ZDHHC14: variants seen among roughly 807,000 people sequenced by gnomAD.
ZDHHC14 encodes zDHHC palmitoyltransferase 14, also known as palmitoyltransferase ZDHHC14.
ZDHHC14 carries 16 observed loss-of-function variants against 47.7 expected under a neutral mutation model. The ratio of observed to expected loss-of-function variants is 0.34; its 90% CI spans 0.23 to 0.51. The LOEUF is 0.51. Ranked by LOEUF, ZDHHC14 falls within the 20% of genes least tolerant of loss-of-function variation. The pLI is 0.97. For missense variants in ZDHHC14, 515 were observed against 662.5 expected, an observed-to-expected ratio of 0.78 and a Z score of 2.44; for synonymous variants, 293 against 278.9, an observed-to-expected ratio of 1.05 and a Z score of -0.50.
intron 2 of ZDHHC14, among the ~76,000 whole-genome samples, chr6:157,570,796 TATATATAC>T (rs1783070354): frequency 8.1e-5 from 12 of 148,788 alleles, no homozygotes; most frequent in South Asian, 2.1e-4. Flanking sequence ...CACACACACA[TATATATAC>T]ACACACACAC....
chr6:157,523,932 C>T (rs1582885663), intron 1 of ZDHHC14, among the ~76,000 whole-genome samples: 1 of 148,864 alleles, frequency 6.7e-6, no homozygotes. Context: ...AAATGTTTCT[C>T]TCTTACTATT....
At chr6:157,637,706 T>C (rs1777054027) in intron 5 of ZDHHC14, among the ~76,000 whole-genome samples, 1 of 152,150 alleles carries the variant, frequency 6.6e-6, no homozygotes, top group Non-Finnish European at 1.5e-5. Context: ...GGCAAGACAA[T>C]AACTTATATT....
chr6:157,490,540 A>G (rs183252074), intron 1 of ZDHHC14, among the ~76,000 whole-genome samples: 2 of 152,358 alleles, frequency 1.3e-5, no homozygotes, highest in East Asian at 3.9e-4. Context: ...TTCTTAAGGC[A>G]ACCTATAATT....
chr6:157,499,420 C>T (rs1780142900), intron 1 of ZDHHC14, among the ~76,000 whole-genome samples: 1 of 151,712 alleles, frequency 6.6e-6, no homozygotes, highest in South Asian at 2.1e-4. Flanking sequence ...TCTAAGGACA[C>T]TAATCCCATC....
At chr6:157,411,997 G>A (rs1240846415) in intron 1 of ZDHHC14, among the ~76,000 whole-genome samples, 1 of 151,734 alleles carries the variant, frequency 6.6e-6, no homozygotes, top group Non-Finnish European at 1.5e-5. Context: ...GGAGTGCAGT[G>A]GTGTGATCTC....
At chr6:157,639,495 G>T (rs1326067301) in intron 5 of ZDHHC14, among the ~76,000 whole-genome samples, 1 of 152,078 alleles carries the variant, frequency 6.6e-6, no homozygotes, top group East Asian at 1.9e-4. Context: ...TAGTAGAGAT[G>T]GGGTTTCACC....
At chr6:157,669,664 C>T (rs1583103967) in intron 8 of ZDHHC14, among the ~76,000 whole-genome samples, 1 of 152,354 alleles carries the variant, frequency 6.6e-6, no homozygotes, top group African/African-American at 2.4e-5. Flanking sequence ...TCTAATTTGC[C>T]ATTTCCTTGT....
At chr6:157,418,903 C>T (rs1167744256) in intron 1 of ZDHHC14, among the ~76,000 whole-genome samples, 1 of 152,196 alleles carries the variant, frequency 6.6e-6, no homozygotes, top group Non-Finnish European at 1.5e-5. Context: ...GTAGAAAGCA[C>T]TCAGGGAACT....
intron 3 of ZDHHC14, among the ~76,000 whole-genome samples, chr6:157,594,945 G>A (rs1380857021): frequency 6.6e-6 from 1 of 151,582 alleles, no homozygotes; most frequent in African/African-American, 2.4e-5. Flanking sequence ...GGGACAGTGT[G>A]TGTCTTACAC....
At position 157,663,710 on chromosome 6, in the gene ZDHHC14, G is replaced by A. The variant is rs138711210; in HGVS notation, c.1069-9014G>A. On this transcript the variant is annotated intron_variant, in intron 8 of 8. Coordinates refer to ENST00000359775, the MANE Select transcript of ZDHHC14 (RefSeq NM_024630.3). ...CACGCAAGCAGAGCTGGCGCTAAACGGAACATGAGGCCCGATGCTCTTTCC... is the reference window on the plus strand; with the variant it reads ...CACGCAAGCAGAGCTGGCGCTAAACAGAACATGAGGCCCGATGCTCTTTCC... Among the ~76,000 whole-genome samples, 208 of 152,202 alleles carry A rather than the reference G, an allele frequency of 1.4e-3. 1 individual carries two copies. The highest frequency in any genetic ancestry group is 2.5e-3 in the Non-Finnish European group (167 of 68,002).
intron 1 of ZDHHC14, among the ~76,000 whole-genome samples, chr6:157,522,418 G>T (rs966327917): frequency 6.6e-6 from 1 of 152,206 alleles, no homozygotes; most frequent in African/African-American, 2.4e-5. Context: ...GGATTGGACA[G>T]TGTGTCACTG....
chr6:157,559,501 A>C (rs144940969), intron 2 of ZDHHC14, among the ~76,000 whole-genome samples: 3,185 of 152,342 alleles, frequency 0.021, 113 homozygotes, highest in African/African-American at 0.072. Flanking sequence ...CATGAGTGGA[A>C]AGAATCCGCT....
intron 1 of ZDHHC14, among the ~76,000 whole-genome samples, chr6:157,447,752 C>A (rs1210826530): frequency 6.6e-6 from 1 of 152,160 alleles, no homozygotes; most frequent in African/African-American, 2.4e-5. Flanking sequence ...AATTTGTAAC[C>A]TTTACATATT....
chr6:157,540,910 G>GTGTGTATATATATA (rs1284429244), intron 1 of ZDHHC14, among the ~76,000 whole-genome samples: 11 of 122,994 alleles, frequency 8.9e-5, no homozygotes, highest in African/African-American at 4.8e-4. Flanking sequence ...GTGTGTGTGT[G>GTGTGTATATATATA]TATATATATA....
chr6:157,553,548 C>T (rs1203838446), intron 2 of ZDHHC14, among the ~76,000 whole-genome samples: 1 of 151,922 alleles, frequency 6.6e-6, no homozygotes, highest in African/African-American at 2.4e-5. Context: ...AATCACCCTC[C>T]GAACCCCTGT....
At chr6:157,651,576 T>A (rs930887445) in intron 7 of ZDHHC14, among the ~76,000 whole-genome samples, 5 of 58 alleles carry the variant, frequency 0.086, no homozygotes, top group Admixed American at 0.5. Flanking sequence ...AAGACCTCCT[T>A]TTTTTTTTTT....
chr6:157,668,614 T>A lies in ZDHHC14; in HGVS notation c.1069-4110T>A, dbSNP rs578164340. ...ACTCAGGAGGCTGAGGTAGGAGAAT[T>A]GTTTGAACCCAGGAGGCAGAGGCTG... On this transcript the variant is annotated intron_variant, in intron 8 of 8. Transcript: ENST00000359775. Among the ~76,000 whole-genome samples the A allele has an allele frequency of 5.3e-4, 80 of 151,932 alleles. No homozygotes were observed. In the Middle Eastern group the frequency reaches 0.02, roughly 39 times the overall value.
chr6:157,519,647 A>G (rs1780842186), intron 1 of ZDHHC14, among the ~76,000 whole-genome samples: 1 of 152,222 alleles, frequency 6.6e-6, no homozygotes, highest in African/African-American at 2.4e-5. Context: ...AGAGCCTTGG[A>G]GCCGGGGTCT....
rs145031938 is a variant in ZDHHC14 at position 157,534,615 on chromosome 6, G to C, written c.246-7970G>C. ...TTTCATTTCATGTTTTTGAGACAGG[G>C]TCTGGCTCTGTTGCCCAGGCTGGAG... is the stretch of plus-strand genomic sequence containing the variant. On this transcript the variant is annotated intron_variant, in intron 1 of 8. Coordinates refer to ENST00000359775, the MANE Select transcript of ZDHHC14 (RefSeq NM_024630.3). Among the ~76,000 whole-genome samples, 8 of 150,970 alleles carry C rather than the reference G, an allele frequency of 5.3e-5. No homozygotes were observed. In the East Asian group the frequency reaches 1.6e-3, roughly 29 times the overall value.
Sources: gnomAD v4.1 joint callset for allele counts (sites outside exome capture counted in the v4.1 genomes callset) on GRCh38, gnomAD v4.1.1 for gene constraint, MANE v1.5 for transcripts, NCBI Gene and HGNC (gene_info 2026-07-23, HGNC 2026-07-21) for gene names.